Variants in RASSF5 observed in about 807,000 individuals in gnomAD.
The protein encoded by RASSF5 is ras association domain-containing protein 5.
RASSF5 carries 25 observed loss-of-function variants against 40.5 expected under a neutral mutation model. The ratio of observed to expected loss-of-function variants is 0.62; its 90% CI spans 0.45 to 0.86. The LOEUF (loss-of-function observed/expected upper bound fraction) is 0.86. Ranked by LOEUF, RASSF5 falls within the 40% of genes least tolerant of loss-of-function variation. The pLI is 0.00. For synonymous variants in RASSF5, 246 were observed against 252.4 expected, an observed-to-expected ratio of 0.97 and a Z score of 0.24; for missense variants, 521 against 572.8, an observed-to-expected ratio of 0.91 and a Z score of 0.92.
chr1:206,507,561 CGCCAAAGCCGCCGCT>C lies in RASSF5; in HGVS notation c.-33_-19del. 7.0e-7 allele frequency: 1 copy of C among 1,427,886 alleles called. No individual in the cohort carries two copies. Among genetic ancestry groups the C allele is most frequent in the Non-Finnish European group, 9.2e-7 (1 of 1,089,222 alleles). The allele number at this position is 1,427,886 out of a possible 1,614,324, so 88.5% of individuals were successfully genotyped here. ...GGGGCTGGCTCGGGAGTAGCGCAGT[CGCCAAAGCCGCCGCT>C]GCCAAAGCTGCCGCCACTAGCCGGG... On this transcript the variant is annotated 5_prime_UTR_variant, in exon 1 of 6. Transcript: ENST00000579436.
At chr1:206,545,266 G>A (rs1249825307) in intron 2 of RASSF5, among the ~76,000 whole-genome samples, 1 of 151,144 alleles carries the variant, frequency 6.6e-6, no homozygotes, top group Non-Finnish European at 1.5e-5. Context: ...TTGTGGATTT[G>A]TGTATTTCTC....
rs868946180 is a variant in RASSF5 at position 206,507,633 on chromosome 1, C to T, written c.31C>T (p.Arg11Cys). The T allele has an allele frequency of 1.3e-6, 2 of 1,528,438 alleles. No homozygotes were observed. The highest frequency in any genetic ancestry group is 1.7e-6 in the Non-Finnish European group (2 of 1,144,444). 94.7% of individuals were successfully genotyped at this position (1,528,438 alleles called of 1,614,324 possible). A position where few individuals can be genotyped will look rare whatever the true frequency, so the allele number is the denominator to read the frequency against. The change falls in exon 1 of 6, where the codon CGC becomes TGC. Residue 11 changes from arginine (R) to cysteine (C), a missense_variant. By Grantham distance (180) the Arg-to-Cys change is radical (BLOSUM62 -3). Transcript: ENST00000579436. The stretch of plus-strand genomic sequence containing the variant: ...CATGGCGTCCCCGGCCATCGGGCAG[C>T]GCCCGTACCCGCTACTATTGGACCC... MAMASPAIGQ[R>C]PYPLLLDPEP...
chr1:206,568,708 G>A (rs880000452), intron 2 of RASSF5, among the ~76,000 whole-genome samples: 1 of 152,164 alleles, frequency 6.6e-6, no homozygotes, highest in Non-Finnish European at 1.5e-5. Flanking sequence ...CCTATAAACT[G>A]GACTCCTAAA....
At chr1:206,571,696 G>A (rs1350713289) in intron 2 of RASSF5, among the ~76,000 whole-genome samples, 4 of 152,196 alleles carry the variant, frequency 2.6e-5, no homozygotes, top group African/African-American at 9.6e-5. Context: ...CAGTTCCAGG[G>A]GCAGGAGGCC....
intron 2 of RASSF5, among the ~76,000 whole-genome samples, chr1:206,551,267 C>A (rs577426389): frequency 6.6e-6 from 1 of 152,322 alleles, no homozygotes; most frequent in East Asian, 1.9e-4. Flanking sequence ...GACTCCTTCC[C>A]TTGATAAGAA....
intron 2 of RASSF5, among the ~76,000 whole-genome samples, chr1:206,576,889 A>ACTC (rs1325088378): frequency 6.6e-6 from 1 of 151,818 alleles, no homozygotes; most frequent in Non-Finnish European, 1.5e-5. Flanking sequence ...GCAGCCTTGA[A>ACTC]CTCCTGGGGG....
chr1:206,583,841 A>G (rs762368093), intron 3 of RASSF5: 9 of 183,444 alleles, frequency 4.9e-5, no homozygotes, highest in Non-Finnish European at 1.0e-4. Context: ...GGGAGAAGGT[A>G]GAAAAACACT....
At chr1:206,529,732 A>C (rs1310155804) in intron 1 of RASSF5, 1 of 580,672 alleles carries the variant, frequency 1.7e-6, no homozygotes, top group African/African-American at 1.9e-5. Context: ...TTTTCTGTAC[A>C]TAAAAATAAT....
At chr1:206,557,577 A>C (rs1553401960) in intron 2 of RASSF5, 1 of 1,613,974 alleles carries the variant, frequency 6.2e-7, no homozygotes. Flanking sequence ...GGGGTAGATG[A>C]CCGTGGACAG....
chr1:206,557,677 G>A, intron 2 of RASSF5: 1 of 1,614,222 alleles, frequency 6.2e-7, no homozygotes, highest in Non-Finnish European at 8.5e-7. Flanking sequence ...AATGCGCAGA[G>A]CAAACATCTT....
intron 2 of RASSF5, among the ~76,000 whole-genome samples, chr1:206,576,680 A>G (rs879970958): frequency 6.6e-6 from 1 of 152,214 alleles, no homozygotes; most frequent in Non-Finnish European, 1.5e-5. Context: ...TATAGACTGG[A>G]GAAATTGCAT....
At chr1:206,508,133 G>A in intron 1 of RASSF5, 74 bp downstream of exon 1, 1 of 1,176,714 alleles carries the variant, frequency 8.5e-7, no homozygotes, top group Admixed American at 4.0e-5. Flanking sequence ...GGGCCCTGGG[G>A]CAGGGAGAGA....
intron 1 of RASSF5, among the ~76,000 whole-genome samples, chr1:206,515,718 A>C (rs1313819115): frequency 6.6e-6 from 1 of 151,998 alleles, no homozygotes; most frequent in Non-Finnish European, 1.5e-5. Context: ...GACTCTCTAT[A>C]TTTCTCCAGG....
At chr1:206,555,471 G>A (rs1553401643) in intron 2 of RASSF5, among the ~76,000 whole-genome samples, 1 of 151,866 alleles carries the variant, frequency 6.6e-6, no homozygotes. Context: ...AGCTGTTATT[G>A]ATGGCCCAAG....
At chr1:206,573,531 C>T (rs1553404591) in intron 2 of RASSF5, among the ~76,000 whole-genome samples, 1 of 152,236 alleles carries the variant, frequency 6.6e-6, no homozygotes, top group African/African-American at 2.4e-5. Context: ...CTCACTACTG[C>T]ACTGTAATTC....
chr1:206,517,802 C>T (rs989896313), intron 1 of RASSF5, among the ~76,000 whole-genome samples: 3 of 152,216 alleles, frequency 2.0e-5, no homozygotes, highest in Non-Finnish European at 2.9e-5. Flanking sequence ...CATAGGGTCA[C>T]ATCCGCTTCT....
At chr1:206,555,419 T>A (rs1667952249) in intron 2 of RASSF5, among the ~76,000 whole-genome samples, 1 of 152,090 alleles carries the variant, frequency 6.6e-6, no homozygotes, top group East Asian at 1.9e-4. Flanking sequence ...GTTCTTTTTA[T>A]GAAGAAAAGC....
At chr1:206,528,600 A>G (rs1667155629) in intron 1 of RASSF5, among the ~76,000 whole-genome samples, 1 of 152,196 alleles carries the variant, frequency 6.6e-6, no homozygotes, top group Non-Finnish European at 1.5e-5. Context: ...ATCAGTTGTG[A>G]CAAATGTACC....
intron 1 of RASSF5, among the ~76,000 whole-genome samples, chr1:206,537,748 A>G (rs782101948): frequency 2.0e-5 from 3 of 152,264 alleles, no homozygotes; most frequent in Middle Eastern, 3.4e-3. Context: ...CCTGTATTTT[A>G]CAGATTGGCA....
Sources: allele counts gnomAD v4.1 joint callset (sites outside exome capture counted in the v4.1 genomes callset), GRCh38; gene constraint gnomAD v4.1.1; transcripts MANE v1.5; gene names NCBI Gene and HGNC (gene_info 2026-07-23, HGNC 2026-07-21).